ME1: variants seen among roughly 807,000 people sequenced by gnomAD.
ME1 encodes the protein NADP-dependent malic enzyme.
In ME1, 74 loss-of-function variants were observed where a neutral mutation model predicts 66.4. The ratio of observed to expected loss-of-function variants is 1.11; its 90% CI spans 0.92 to 1.35. The LOEUF (loss-of-function observed/expected upper bound fraction) is 1.35. Among genes scored for constraint, ME1 ranks in the 40% most tolerant of loss-of-function variants. The pLI is 0.00. For missense variants in ME1, 750 were observed against 694.1 expected, an observed-to-expected ratio of 1.08 and a Z score of -0.90; for synonymous variants, 251 against 235.6, an observed-to-expected ratio of 1.07 and a Z score of -0.60.
At position 83,407,880 on chromosome 6, in the gene ME1, C is replaced by T. The variant is rs553218395; in HGVS notation, c.100G>A (p.Glu34Lys). The T allele has an allele frequency of 1.9e-6, 3 of 1,612,134 alleles. No homozygotes were observed. In the East Asian group the frequency reaches 6.7e-5, roughly 36 times the overall value. Residue 34 changes from glutamate to lysine, a missense_variant, in exon 2 of 14, where the codon GAG becomes AAG. Transcript: ENST00000369705. ...LNKDLAFTLE[E>K]RQQLNIHGLL... The stretch of plus-strand genomic sequence containing the variant: ...CCATGAATGTTCAATTGCTGTCTCT[C>T]TTCCAGGGTAAAGGCCAAGTCCTAT...
chr6:83,322,706 A>G (rs1205309860), intron 5 of ME1, among the ~76,000 whole-genome samples: 1 of 152,302 alleles, frequency 6.6e-6, no homozygotes, highest in East Asian at 1.9e-4. Context: ...TGATGGGGAG[A>G]ATGGAACCAA....
rs1327225168 is a variant in ME1, at chr6:83,228,868, G to A, written c.1090C>T (p.Leu364=). The change falls in exon 10 of 14, where the codon CTA becomes TTA. Residue 364 remains leucine (L), a synonymous_variant. Transcript: ENST00000369705. ...TTTATTTCTTGAACAATGGCTTCTA[G>A]GTTCTTCATTTCTTCATGTTCATGG... ...FAHEHEEMKN[L]EAIVQEIKPT... is the part of the protein sequence containing the mutation. 1 of 1,613,318 alleles carries A rather than the reference G, an allele frequency of 6.2e-7. No individual in the cohort carries two copies. Among genetic ancestry groups the A allele is most frequent in the African/African-American group, 1.3e-5 (1 of 74,812 alleles).
intron 6 of ME1, among the ~76,000 whole-genome samples, chr6:83,296,019 G>A (rs1007036321): frequency 1.3e-5 from 2 of 152,040 alleles, no homozygotes; most frequent in Admixed American, 1.3e-4. Flanking sequence ...AATTAAATCA[G>A]TAATAAATAG....
At chr6:83,230,834 G>A (rs1790294408) in intron 9 of ME1, among the ~76,000 whole-genome samples, 1 of 152,136 alleles carries the variant, frequency 6.6e-6, no homozygotes, top group African/African-American at 2.4e-5. Context: ...TCAGGAGGCT[G>A]AGGCAGGAGA....
In ME1 at chr6:83,369,653, G is replaced by GAGGAAGGA. The variant is rs1340518163; in HGVS notation, c.363-17522_363-17515dup. Among the ~76,000 whole-genome samples, 143 of 141,598 alleles carry GAGGAAGGA rather than the reference G, an allele frequency of 1.0e-3. 4 individuals carry two copies. Among genetic ancestry groups the GAGGAAGGA allele is most frequent in the African/African-American group, 3.7e-3 (133 of 35,714 alleles). 92.9% of individuals were successfully genotyped at this position (141,598 alleles called of 152,430 possible). A position where few individuals can be genotyped will look rare whatever the true frequency, so the allele number is the denominator to read the frequency against. ...AAAGAAAAGAAAAGAGAGACAGAGA[G>GAGGAAGGA]AGGAAGGAAGGAAGGAACGAAGGAA... On this transcript the variant is annotated intron_variant, in intron 3 of 13. Coordinates refer to ENST00000369705, the MANE Select transcript of ME1 (RefSeq NM_002395.6).
intron 8 of ME1, among the ~76,000 whole-genome samples, 156 bp from the exon 9 acceptor site, chr6:83,237,986 A>G (rs1790447090): frequency 1.3e-5 from 2 of 152,232 alleles, no homozygotes; most frequent in African/African-American, 4.8e-5. Flanking sequence ...TTACTACAAC[A>G]GAGCCACTAT....
At chr6:83,319,407 A>C (rs958338133) in intron 5 of ME1, among the ~76,000 whole-genome samples, 4 of 152,134 alleles carry the variant, frequency 2.6e-5, no homozygotes, top group African/African-American at 9.7e-5. Flanking sequence ...CCAACATAGG[A>C]AGGAGGCCTA....
intron 5 of ME1, among the ~76,000 whole-genome samples, chr6:83,328,387 A>T (rs1768342073): frequency 6.6e-6 from 1 of 152,180 alleles, no homozygotes; most frequent in African/African-American, 2.4e-5. Flanking sequence ...TGAGTGCAGC[A>T]AACCACCATG....
intron 3 of ME1, among the ~76,000 whole-genome samples, chr6:83,373,512 C>G (rs1331553504): frequency 6.6e-6 from 1 of 152,050 alleles, no homozygotes; most frequent in Non-Finnish European, 1.5e-5. Context: ...GCCACCGCAC[C>G]CAGCCAGCAA....
chr6:83,366,521 A>C (rs1210525114), intron 3 of ME1, among the ~76,000 whole-genome samples: 2 of 152,176 alleles, frequency 1.3e-5, no homozygotes, highest in African/African-American at 4.8e-5. Flanking sequence ...AGAAAGGATA[A>C]AGGTAAGAAG....
chr6:83,310,327 C>T (rs888004757), intron 6 of ME1, among the ~76,000 whole-genome samples: 1 of 152,144 alleles, frequency 6.6e-6, no homozygotes, highest in African/African-American at 2.4e-5. Context: ...TTCAGAGTTC[C>T]CCACGGGATC....
chr6:83,396,951 T>G, intron 3 of ME1, among the ~76,000 whole-genome samples: 1 of 152,046 alleles, frequency 6.6e-6, no homozygotes, highest in East Asian at 1.9e-4. Context: ...AAGAATGAAA[T>G]TAGACCCTTA....
At chr6:83,216,458 G>A (rs751903740) in intron 13 of ME1, 40 bp downstream of exon 13, 6 of 1,353,252 alleles carry the variant, frequency 4.4e-6, no homozygotes, top group Non-Finnish European at 6.2e-6. Flanking sequence ...AGCAAGAAAA[G>A]GAAGGAAAAA....
chr6:83,237,777 T>C lies in ME1; in HGVS notation c.966A>G (p.Leu322=), dbSNP rs753801685. ...LIVMALEKEG[L]PKEKAIKKIW... is the part of the protein sequence containing the mutation. Reference sequence around the variant, plus strand: ...TCTTTTTGATGGCTTTCTCTTTTGGTAAACCTTCTTTTTCCAAGGCCATCA... The same window carrying C: ...TCTTTTTGATGGCTTTCTCTTTTGGCAAACCTTCTTTTTCCAAGGCCATCA... The change falls in exon 9 of 14, where the codon TTA becomes TTG. Residue 322 remains leucine (L), a synonymous_variant. Transcript: ENST00000369705. 6.2e-7 allele frequency: 1 copy of C among 1,609,258 alleles called. No homozygotes were observed. The highest frequency in any genetic ancestry group is 8.5e-7 in the Non-Finnish European group (1 of 1,177,648).
intron 6 of ME1, among the ~76,000 whole-genome samples, chr6:83,273,292 A>G (rs971206932): frequency 2.6e-5 from 4 of 152,284 alleles, no homozygotes; most frequent in South Asian, 2.1e-4. Context: ...TAATGTAACT[A>G]TGAGCAAATC....
intron 12 of ME1, 48 bp downstream of exon 12, chr6:83,223,712 A>C: frequency 6.4e-7 from 1 of 1,551,224 alleles, no homozygotes. Context: ...TAGGCTGAGC[A>C]CACTTGGTAT....
chr6:83,314,539 G>A (rs979567945), intron 6 of ME1, among the ~76,000 whole-genome samples: 48 of 152,040 alleles, frequency 3.2e-4, no homozygotes, highest in African/African-American at 4.8e-4. Context: ...CTGATGGTTC[G>A]ATGTACATAA....
intron 7 of ME1, among the ~76,000 whole-genome samples, chr6:83,248,588 G>C (rs1790665173): frequency 6.6e-6 from 1 of 152,122 alleles, no homozygotes; most frequent in African/African-American, 2.4e-5. Flanking sequence ...GAGGGAGGGA[G>C]GTAATTGGAT....
At chr6:83,348,144 C>T (rs1015011199) in intron 4 of ME1, among the ~76,000 whole-genome samples, 1 of 152,156 alleles carries the variant, frequency 6.6e-6, no homozygotes, top group Non-Finnish European at 1.5e-5. Flanking sequence ...TGTCAAATAG[C>T]AGTGGATCAA....
Sources: allele counts gnomAD v4.1 joint callset (sites outside exome capture counted in the v4.1 genomes callset), GRCh38; gene constraint gnomAD v4.1.1; transcripts MANE v1.5; gene names NCBI Gene and HGNC (gene_info 2026-07-23, HGNC 2026-07-21).